MRTFB: variants seen among roughly 807,000 people sequenced by gnomAD.
MRTFB encodes myocardin-related transcription factor B.
In MRTFB, 29 loss-of-function variants were observed where a neutral mutation model predicts 104.2. The observed-to-expected ratio is 0.28, with a 90% CI of 0.21 to 0.38. The LOEUF (loss-of-function observed/expected upper bound fraction) is 0.38. Among genes scored for constraint, MRTFB ranks in the 10% least tolerant of loss-of-function variants. MRTFB has a pLI of 1.00. For missense variants in MRTFB, 1,270 were observed against 1,341.6 expected (o/e 0.95, Z 0.83); for synonymous variants, 535 against 519.5 (o/e 1.03, Z -0.41).
At chr16:14,003,356 C>T in the MRTFB span, among the ~76,000 whole-genome samples, 6 of 152,178 alleles carry the variant, frequency 3.9e-5, no homozygotes, top group Non-Finnish European at 5.9e-5. Flanking sequence ...AGCAGCACGC[C>T]TCTGCCCCTT....
intron 3 of MRTFB, chr16:14,187,097 C>A (rs935839031): frequency 7.2e-7 from 1 of 1,392,358 alleles, no homozygotes; most frequent in Non-Finnish European, 9.8e-7. Flanking sequence ...GCCAGCTGAG[C>A]GTGTCTGTCT....
At chr16:14,250,874 T>C (rs1597378503) in intron 13 of MRTFB, among the ~76,000 whole-genome samples, 2 of 152,250 alleles carry the variant, frequency 1.3e-5, no homozygotes, top group East Asian at 3.9e-4. Context: ...GATAGTCCTA[T>C]TTACCTAAGT....
chr16:14,043,052 C>T, the MRTFB span, among the ~76,000 whole-genome samples: 2 of 152,180 alleles, frequency 1.3e-5, no homozygotes, highest in Admixed American at 6.5e-5. Context: ...AGGAACGGGT[C>T]CTCTGGGAGA....
chr16:14,261,677 C>A lies in MRTFB; in HGVS notation c.*233C>A, dbSNP rs1457520600. 1.1e-5 allele frequency: 5 copies of A among 454,152 alleles called. No homozygotes were observed. Among genetic ancestry groups the A allele is most frequent in the Non-Finnish European group, 1.9e-5 (5 of 259,628 alleles). The allele number at this position is 454,152 out of a possible 1,614,324, so 28.1% of individuals were successfully genotyped here. A position where few individuals can be genotyped will look rare whatever the true frequency, so the allele number is the denominator to read the frequency against. On this transcript the variant is annotated 3_prime_UTR_variant, in exon 17 of 17. Transcript: ENST00000571589. ...AGGGCCTTCTGAAAATCGCACTTGTCAAAGACGACTCATCTATTTCTCCAG... is the reference window on the plus strand; with the variant it reads ...AGGGCCTTCTGAAAATCGCACTTGTAAAAGACGACTCATCTATTTCTCCAG...
intron 3 of MRTFB, chr16:14,170,483 A>G (rs756641683): frequency 4.1e-5 from 6 of 147,504 alleles, no homozygotes; most frequent in South Asian, 2.1e-4. Flanking sequence ...TAAGCACTCA[A>G]TAGTTATTTT....
chr16:14,041,319 C>A, the MRTFB span, among the ~76,000 whole-genome samples: 1 of 152,204 alleles, frequency 6.6e-6, no homozygotes, highest in Non-Finnish European at 1.5e-5. Flanking sequence ...AACTGAAAGT[C>A]TATACAAATT....
At chr16:14,108,307 G>T (rs1311181216) in intron 2 of MRTFB, among the ~76,000 whole-genome samples, 2 of 152,200 alleles carry the variant, frequency 1.3e-5, no homozygotes, top group East Asian at 3.8e-4. Flanking sequence ...TCTACCACAT[G>T]TGAATCTTGA....
chr16:14,212,818 T>A (rs2041252252), intron 5 of MRTFB, among the ~76,000 whole-genome samples: 1 of 152,196 alleles, frequency 6.6e-6, no homozygotes, highest in Admixed American at 6.5e-5. Flanking sequence ...ACCTGTACAT[T>A]TGACCAACGG....
chr16:14,114,548 G>T (rs555604222), intron 2 of MRTFB, among the ~76,000 whole-genome samples: 23 of 152,246 alleles, frequency 1.5e-4, no homozygotes, highest in African/African-American at 4.8e-4. Flanking sequence ...GCCTGCACTT[G>T]AGGCTGCGTT....
At chr16:14,222,993 C>A (rs2041806531) in intron 8 of MRTFB, among the ~76,000 whole-genome samples, 1 of 151,618 alleles carries the variant, frequency 6.6e-6, no homozygotes, top group African/African-American at 2.4e-5. Flanking sequence ...CCAGTCTGGG[C>A]AACATAGCAA....
chr16:14,134,174 C>G (rs541462847), intron 2 of MRTFB, among the ~76,000 whole-genome samples: 1 of 152,332 alleles, frequency 6.6e-6, no homozygotes, highest in Admixed American at 6.5e-5. Flanking sequence ...AACCCTCACA[C>G]TGGCATTCTT....
At position 14,248,287 on chromosome 16, in the gene MRTFB, C is replaced by G. The variant is rs557714122; in HGVS notation, c.2248-639C>G. The G allele has an allele frequency of 3.3e-4, 51 of 152,384 alleles. 1 individual carries two copies. Among genetic ancestry groups the G allele is most frequent in the Admixed American group, 2.7e-3 (41 of 15,310 alleles). The allele number at this position is 152,384 out of a possible 1,614,324, so 9.4% of individuals were successfully genotyped here. A position where few individuals can be genotyped will look rare whatever the true frequency, so the allele number is the denominator to read the frequency against. On this transcript the variant is annotated intron_variant, in intron 12 of 16. Transcript: ENST00000571589. ...CTCCTCAGCCTCGACACCCAAATAC[C>G]TGAAACAGGCGAGAGGAATCATCTC...
At chr16:14,050,207 CA>C in the MRTFB span, among the ~76,000 whole-genome samples, 1 of 152,014 alleles carries the variant, frequency 6.6e-6, no homozygotes, top group Admixed American at 6.5e-5. Context: ...AAAATGTAAA[CA>C]GAGGTAGAAT....
intron 4 of MRTFB, among the ~76,000 whole-genome samples, chr16:14,212,079 T>A (rs766721213): frequency 8.5e-5 from 13 of 152,218 alleles, no homozygotes; most frequent in African/African-American, 3.1e-4. Context: ...GCAATGGAGA[T>A]TTGCTATGAG....
the MRTFB span, among the ~76,000 whole-genome samples, chr16:14,066,270 T>TTTA: frequency 1.3e-5 from 2 of 151,250 alleles, no homozygotes; most frequent in South Asian, 2.1e-4. Flanking sequence ...TTTTATTTAT[T>TTTA]TTATTATTAT....
At chr16:14,019,182 G>A in the MRTFB span, 1 of 152,356 alleles carries the variant, frequency 6.6e-6, no homozygotes. Context: ...TAGGGGTGAT[G>A]GTGACTGGTG....
rs192208347 is a variant in MRTFB, at chr16:14,079,945, G to A, written c.-64+591G>A. 3.7e-4 allele frequency among the ~76,000 whole-genome samples: 57 copies of A among 152,220 alleles called. 1 individual carries two copies. Among genetic ancestry groups the A allele is most frequent in the African/African-American group, 1.3e-3 (55 of 41,550 alleles). Reference sequence around the variant, plus strand: ...AAATAAATTGGTTTGCCTGTATATAGTAGTCTTTTTTAATGGAAAAATATG... The same window carrying A: ...AAATAAATTGGTTTGCCTGTATATAATAGTCTTTTTTAATGGAAAAATATG... On this transcript the variant is annotated intron_variant, in intron 2 of 16. Transcript: ENST00000571589.
At chr16:14,092,066 A>T (rs1165182747) in intron 2 of MRTFB, among the ~76,000 whole-genome samples, 2 of 150,948 alleles carry the variant, frequency 1.3e-5, no homozygotes, top group Non-Finnish European at 1.5e-5. Flanking sequence ...TGATGGCACC[A>T]CTTCTGTCCA....
chr16:14,034,773 A>C, the MRTFB span, among the ~76,000 whole-genome samples: 2 of 152,020 alleles, frequency 1.3e-5, no homozygotes, highest in African/African-American at 4.8e-5. Flanking sequence ...ATCTGCAAAG[A>C]CCCTGTTTCC....
Sources: gnomAD v4.1 joint callset for allele counts (sites outside exome capture counted in the v4.1 genomes callset) on GRCh38, gnomAD v4.1.1 for gene constraint, MANE v1.5 for transcripts, NCBI Gene and HGNC (gene_info 2026-07-23, HGNC 2026-07-21) for gene names.